The following ZDHHC11B variants were observed in gnomAD, a reference collection of about 807,000 sequenced individuals.
The protein encoded by ZDHHC11B is probable palmitoyltransferase ZDHHC11B.
A neutral mutation model predicts 42.3 loss-of-function variants in ZDHHC11B; 17 were observed. That is an observed-to-expected ratio of 0.40 (90% CI 0.27 to 0.60). The LOEUF (loss-of-function observed/expected upper bound fraction) is 0.60, where lower values mean the gene tolerates loss of function less well. Ranked by LOEUF, ZDHHC11B falls within the 20% of genes least tolerant of loss-of-function variation. ZDHHC11B has a pLI of 0.41. For missense variants in ZDHHC11B, 262 were observed against 463.2 expected, an observed-to-expected ratio of 0.57 and a Z score of 3.99; for synonymous variants, 123 against 193.5, an observed-to-expected ratio of 0.64 and a Z score of 3.02.
At chr5:757,831 G>T (rs1350746090) in intron 4 of ZDHHC11B, among the ~76,000 whole-genome samples, 1 of 151,850 alleles carries the variant, frequency 6.6e-6, no homozygotes, top group African/African-American at 2.4e-5. Flanking sequence ...CCGGGGTGTG[G>T]TGGGAGCTAG....
At chr5:776,490 A>C (rs949229644) in intron 1 of ZDHHC11B, among the ~76,000 whole-genome samples, 1 of 151,922 alleles carries the variant, frequency 6.6e-6, no homozygotes, top group Non-Finnish European at 1.5e-5. Context: ...GGCTGAGGGG[A>C]AAGTCTCCAC....
rs58853046 is a variant in ZDHHC11B, at chr5:714,493, A to ATT, written c.*8-2213_*8-2212dup. On this transcript the variant is annotated intron_variant, in intron 13 of 13. Coordinates refer to ENST00000508859, the MANE Select transcript of ZDHHC11B (RefSeq NM_001351303.2). The stretch of plus-strand genomic sequence containing the variant: ...GCTGTTTAAAACCTTAGTGGTGAAT[A>ATT]TTTTTTTTTTTGAATGAGGCTAATT... Among the ~76,000 whole-genome samples the ATT allele has an allele frequency of 5.7e-3, 616 of 108,726 alleles. 2 individuals carry two copies. Among genetic ancestry groups the ATT allele is most frequent in the African/African-American group, 0.022 (580 of 26,376 alleles). The allele number at this position is 108,726 out of a possible 152,430, so 71.3% of individuals were successfully genotyped here.
chr5:733,216 A>C (rs398751), intron 11 of ZDHHC11B, among the ~76,000 whole-genome samples: 15,981 of 125,314 alleles, frequency 0.13, 1,812 homozygotes, highest in South Asian at 0.23. Flanking sequence ...CACATATACA[A>C]CTGACCACAC....
At chr5:746,942 T>TG (rs1258410216) in intron 8 of ZDHHC11B, among the ~76,000 whole-genome samples, 5 of 124,360 alleles carry the variant, frequency 4.0e-5, no homozygotes, top group African/African-American at 8.3e-5. Flanking sequence ...TCTCCTGTTG[T>TG]GGGGGGACTC....
chr5:731,717 T>C (rs1371872010), intron 11 of ZDHHC11B, among the ~76,000 whole-genome samples: 1 of 151,946 alleles, frequency 6.6e-6, no homozygotes, highest in African/African-American at 2.4e-5. Flanking sequence ...AAGTCAAATG[T>C]ATCCGTTTTG....
chr5:733,724 G>C, intron 11 of ZDHHC11B, 28 bp downstream of exon 11: 1 of 1,592,562 alleles, frequency 6.3e-7, no homozygotes, highest in Non-Finnish European at 8.6e-7. Context: ...CCTGTCCTCA[G>C]GGTGCATTGC....
At chr5:777,903 C>A (rs918950775) in intron 1 of ZDHHC11B, among the ~76,000 whole-genome samples, 45 of 151,358 alleles carry the variant, frequency 3.0e-4, no homozygotes, top group African/African-American at 1.1e-3. Flanking sequence ...ACCGAGGGAG[C>A]CCGGGGCGGG....
intron 1 of ZDHHC11B, among the ~76,000 whole-genome samples, chr5:771,756 G>C (rs1249421722): frequency 6.6e-6 from 1 of 150,850 alleles, no homozygotes; most frequent in Admixed American, 6.6e-5. Flanking sequence ...GGGCGTGCGG[G>C]TCAGAGAGAA....
intron 4 of ZDHHC11B, among the ~76,000 whole-genome samples, chr5:766,331 C>A (rs866069684): frequency 6.6e-6 from 1 of 151,886 alleles, no homozygotes; most frequent in African/African-American, 2.4e-5. Flanking sequence ...GGAGCAGAAC[C>A]AGGTCCCCCA....
At chr5:751,444 C>G (rs1297729250) in intron 6 of ZDHHC11B, among the ~76,000 whole-genome samples, 187 bp from the exon 7 acceptor site, 1 of 22,506 alleles carries the variant, frequency 4.4e-5, no homozygotes, top group African/African-American at 1.4e-4. Context: ...GAGGCAGGGG[C>G]AGGGACACGC....
rs1236920938 is a variant in ZDHHC11B at position 773,192 on chromosome 5, A to C, written c.-229-4262T>G. On this transcript the variant is annotated intron_variant, in intron 1 of 13. Transcript: ENST00000508859. ...ACAACGAGCCTGGGCGGGCGCCTCT[A>C]CCTTGGCGCTCTCCACCGAGCATGG... Among the ~76,000 whole-genome samples the C allele has an allele frequency of 3.0e-4, 46 of 151,954 alleles. 1 individual carries two copies. Among genetic ancestry groups the C allele is most frequent in the Admixed American group, 2.1e-3 (32 of 15,244 alleles).
chr5:719,753 A>C (rs1260211180), intron 12 of ZDHHC11B, among the ~76,000 whole-genome samples: 1 of 151,708 alleles, frequency 6.6e-6, no homozygotes, highest in African/African-American at 2.4e-5. Flanking sequence ...AGGCAGAAAA[A>C]ATACAGTGTT....
intron 12 of ZDHHC11B, among the ~76,000 whole-genome samples, chr5:721,498 A>G (rs1480962839): frequency 1.3e-5 from 2 of 151,318 alleles, no homozygotes; most frequent in Non-Finnish European, 2.9e-5. Flanking sequence ...TTCCTTACTG[A>G]GTAATAGAGA....
intron 12 of ZDHHC11B, among the ~76,000 whole-genome samples, chr5:718,245 A>G (rs1198157115): frequency 2.6e-5 from 4 of 151,778 alleles, no homozygotes; most frequent in Admixed American, 2.0e-4. Flanking sequence ...TTACCTAAGG[A>G]CAAAATGGTA....
At chr5:747,582 T>C (rs1345725165) in intron 8 of ZDHHC11B, 1 of 149,206 alleles carries the variant, frequency 6.7e-6, no homozygotes, top group Non-Finnish European at 1.5e-5. Flanking sequence ...TTGCCACAAC[T>C]GCAGGCAGGG....
intron 4 of ZDHHC11B, among the ~76,000 whole-genome samples, chr5:766,333 G>A (rs1201528191): frequency 6.6e-6 from 1 of 151,888 alleles, no homozygotes; most frequent in Admixed American, 6.6e-5. Flanking sequence ...AGCAGAACCA[G>A]GTCCCCCACC....
At chr5:745,510 G>C (rs1479976773) in intron 8 of ZDHHC11B, among the ~76,000 whole-genome samples, 1 of 149,960 alleles carries the variant, frequency 6.7e-6, no homozygotes, top group Non-Finnish European at 1.5e-5. Flanking sequence ...AGCAGGAGGG[G>C]TCTGCAGCTG....
At chr5:737,617 T>A (rs1483455681) in intron 10 of ZDHHC11B, among the ~76,000 whole-genome samples, 1 of 149,504 alleles carries the variant, frequency 6.7e-6, no homozygotes, top group Non-Finnish European at 1.5e-5. Context: ...GTCAAGTGGG[T>A]TTCATACCAC....
chr5:732,566 C>T, intron 11 of ZDHHC11B: 1 of 429,518 alleles, frequency 2.3e-6, no homozygotes, highest in Non-Finnish European at 4.6e-6. Flanking sequence ...AAGTCTTGGA[C>T]ACCAGCCTCA....
Sources: gnomAD v4.1 joint callset for allele counts (sites outside exome capture counted in the v4.1 genomes callset) on GRCh38, gnomAD v4.1.1 for gene constraint, MANE v1.5 for transcripts, NCBI Gene and HGNC (gene_info 2026-07-23, HGNC 2026-07-21) for gene names.